CCDC158: variants seen among roughly 807,000 people sequenced by gnomAD.
CCDC158 encodes coiled-coil domain containing 158, also known as coiled-coil domain-containing protein 158.
Under a neutral mutation model 138.6 loss-of-function variants are expected in CCDC158, and 116 were observed. That is an observed-to-expected ratio of 0.84 (90% CI 0.72 to 0.98). The LOEUF (loss-of-function observed/expected upper bound fraction) is 0.98, where lower values mean the gene tolerates loss of function less well. Ranked by LOEUF, CCDC158 falls within the 50% of genes least tolerant of loss-of-function variation. CCDC158 has a pLI of 0.00. For synonymous variants in CCDC158, 436 were observed against 442.4 expected, an observed-to-expected ratio of 0.99 and a Z score of 0.18; for missense variants, 1,265 against 1,306.1, an observed-to-expected ratio of 0.97 and a Z score of 0.48.
At chr4:76,344,734 T>G in intron 18 of CCDC158, 2 of 1,613,914 alleles carry the variant, frequency 1.2e-6, no homozygotes, top group Non-Finnish European at 1.7e-6. Context: ...CATGACACTC[T>G]TATTGAAACA....
chr4:76,373,446 T>G (rs1391706789), intron 9 of CCDC158, among the ~76,000 whole-genome samples: 3 of 152,240 alleles, frequency 2.0e-5, no homozygotes, highest in Non-Finnish European at 4.4e-5. Context: ...TCCAATCTAC[T>G]GTCAATAATA....
Position 76,370,119 on chromosome 4 carries a change from G to T in CCDC158, c.1150-496C>A, listed in dbSNP as rs544961556. 3.3e-5 allele frequency among the ~76,000 whole-genome samples: 5 copies of T among 152,284 alleles called. No homozygotes were observed. In the South Asian group the frequency reaches 1.0e-3, roughly 32 times the overall value. On this transcript the variant is annotated intron_variant, in intron 10 of 24. Coordinates refer to ENST00000682701, the MANE Select transcript of CCDC158 (RefSeq NM_001394954.1). ...TTCAGTCACTTAAAAAATACATAGT[G>T]TTGAATAGGAGCAAAAACTCTAGTC...
chr4:76,336,924 C>A (rs1346026091), intron 18 of CCDC158, among the ~76,000 whole-genome samples: 18 of 152,188 alleles, frequency 1.2e-4, no homozygotes, highest in Admixed American at 1.2e-3. Context: ...TCTTAATAAG[C>A]TTCCTCTTCT....
rs777781275 is a variant in CCDC158 at position 76,367,779 on chromosome 4, G to A, written c.1348-3C>T. ...TTCTTTCCTTGAATTGCTGCCATCT[G>A]ATTGTTAAAGAAAAGAGAATTTCAT... On this transcript the variant is annotated splice_region_variant and splice_polypyrimidine_tract_variant and intron_variant, in intron 11 of 24. Coordinates refer to ENST00000682701, the MANE Select transcript of CCDC158 (RefSeq NM_001394954.1). 1.3e-6 allele frequency: 2 copies of A among 1,590,738 alleles called. No homozygotes were observed. The highest frequency in any genetic ancestry group is 1.7e-6 in the Non-Finnish European group (2 of 1,169,256).
intron 10 of CCDC158, among the ~76,000 whole-genome samples, chr4:76,371,109 A>G (rs12332004): frequency 0.029 from 4,470 of 152,218 alleles, 220 homozygotes; most frequent in African/African-American, 0.1. Context: ...TTTGAATGTT[A>G]TTTGGCCTTA....
Position 76,313,142 on chromosome 4 carries a change from C to T in CCDC158, c.*28G>A, listed in dbSNP as rs1719044322. 1 of 1,463,606 alleles carries T rather than the reference C, an allele frequency of 6.8e-7. No individual in the cohort carries two copies. Among genetic ancestry groups the T allele is most frequent in the Non-Finnish European group, 9.4e-7 (1 of 1,061,232 alleles). 90.7% of individuals were successfully genotyped at this position (1,463,606 alleles called of 1,614,324 possible). A position where few individuals can be genotyped will look rare whatever the true frequency, so the allele number is the denominator to read the frequency against. The stretch of plus-strand genomic sequence containing the variant: ...ACACCACAATTAATTGGGCCTCATT[C>T]CTCTGTAAAGAATAGGCAAGCAACG... On this transcript the variant is annotated 3_prime_UTR_variant, in exon 25 of 25. Transcript: ENST00000682701.
At chr4:76,338,649 G>A (rs1233089671) in intron 18 of CCDC158, among the ~76,000 whole-genome samples, 1 of 152,198 alleles carries the variant, frequency 6.6e-6, no homozygotes, top group Non-Finnish European at 1.5e-5. Context: ...CTGGTGGCTG[G>A]TTTTATAGTG....
chr4:76,345,358 A>C, intron 18 of CCDC158: 1 of 1,102,912 alleles, frequency 9.1e-7, no homozygotes, highest in Non-Finnish European at 1.4e-6. Context: ...GCTCTGGATA[A>C]GGCCCGGTTA....
At position 76,334,173 on chromosome 4, in the gene CCDC158, T is replaced by C; in HGVS notation, c.2665-6A>G. On this transcript the variant is annotated splice_region_variant and splice_polypyrimidine_tract_variant and intron_variant, in intron 18 of 24. Transcript: ENST00000682701. ...GTGTTAGCTTTTGTAGAGTGCTGAG[T>C]TAAAACAATTTACAAAGACACTTAT... is the stretch of plus-strand genomic sequence containing the variant. 6.5e-7 allele frequency: 1 copy of C among 1,536,732 alleles called. No homozygotes were observed. The highest frequency in any genetic ancestry group is 8.8e-7 in the Non-Finnish European group (1 of 1,133,200).
In CCDC158 at chr4:76,357,510, T is replaced by C; in HGVS notation, c.2037A>G (p.Leu679=). The stretch of plus-strand genomic sequence containing the variant: ...CACTTTTGTTTCGGAAATTCCTTTT[T>C]AAGACTTCATACTCCTCTATACAAT... ...LNNLSEEYEV[L]KRNFRNKSEE... is the part of the protein sequence containing the mutation. The change falls in exon 14 of 25, where the codon TTA becomes TTG. Residue 679 remains leucine, a synonymous_variant. Transcript: ENST00000682701. 1 of 1,589,370 alleles carries C rather than the reference T, an allele frequency of 6.3e-7. No homozygotes were observed. Among genetic ancestry groups the C allele is most frequent in the Non-Finnish European group, 8.6e-7 (1 of 1,164,730 alleles).
intron 4 of CCDC158, among the ~76,000 whole-genome samples, chr4:76,389,301 T>C (rs1347094839): frequency 6.6e-6 from 1 of 151,736 alleles, no homozygotes; most frequent in Non-Finnish European, 1.5e-5. Context: ...AATATTAGAA[T>C]TGAAAAATGC....
intron 1 of CCDC158, among the ~76,000 whole-genome samples, chr4:76,416,594 T>G (rs1729721508): frequency 6.6e-6 from 1 of 152,190 alleles, no homozygotes; most frequent in South Asian, 2.1e-4. Context: ...CTGTGCTGTG[T>G]GCAGCCTAGG....
Position 76,351,778 on chromosome 4 carries a change from A to G in CCDC158, c.2480T>C (p.Ile827Thr), listed in dbSNP as rs764717970. Residue 827 changes from isoleucine (I) to threonine (T), a missense_variant, in exon 17 of 25, where the codon ATA (isoleucine) becomes ACA (threonine). Transcript: ENST00000682701. ...CACTGATTCTTGCTCCTGACGCTGT[A>G]TTATATCTTGACATTCTGCAAACTG... ...SLQFAECQDI[I>T]QRQEQESVRL... 6.2e-7 allele frequency: 1 copy of G among 1,613,238 alleles called. No homozygotes were observed. The highest frequency in any genetic ancestry group is 2.2e-5 in the East Asian group (1 of 44,830).
intron 19 of CCDC158, 88 bp downstream of exon 19, chr4:76,333,922 T>G (rs1721225602): frequency 1.1e-6 from 1 of 941,716 alleles, no homozygotes; most frequent in East Asian, 2.6e-5. Context: ...CATTTAAACC[T>G]CACCCTCCCA....
intron 6 of CCDC158, 45 bp from the exon 7 acceptor site, chr4:76,383,783 A>C: frequency 7.3e-7 from 1 of 1,362,990 alleles, no homozygotes; most frequent in South Asian, 1.2e-5. Flanking sequence ...GGTAAATATA[A>C]GGCTTGGAAA....
At chr4:76,408,382 T>C (rs1389331757) in intron 2 of CCDC158, among the ~76,000 whole-genome samples, 2 of 151,820 alleles carry the variant, frequency 1.3e-5, no homozygotes, top group Non-Finnish European at 2.9e-5. Context: ...TTCCCCTTCC[T>C]GTGTTCATGT....
intron 24 of CCDC158, among the ~76,000 whole-genome samples, chr4:76,317,129 T>C (rs995171404): frequency 6.6e-6 from 1 of 151,878 alleles, no homozygotes; most frequent in Non-Finnish European, 1.5e-5. Context: ...GTATCTCGTA[T>C]TTCAATACTA....
chr4:76,413,712 T>C (rs1729477908), intron 1 of CCDC158, among the ~76,000 whole-genome samples: 1 of 152,094 alleles, frequency 6.6e-6, no homozygotes, highest in Non-Finnish European at 1.5e-5. Flanking sequence ...GGTAGAGTGT[T>C]GGACTAGAAA....
intron 18 of CCDC158, among the ~76,000 whole-genome samples, chr4:76,334,703 A>C (rs1721313088): frequency 6.6e-6 from 1 of 152,166 alleles, no homozygotes; most frequent in Non-Finnish European, 1.5e-5. Flanking sequence ...ACCCCAATAA[A>C]TATTTATAAT....
Sources: gnomAD v4.1 joint callset for allele counts (sites outside exome capture counted in the v4.1 genomes callset) on GRCh38, gnomAD v4.1.1 for gene constraint, MANE v1.5 for transcripts, NCBI Gene and HGNC (gene_info 2026-07-23, HGNC 2026-07-21) for gene names.